The following HSDL2 variants were observed in gnomAD, a reference collection of about 807,000 sequenced individuals.
The protein encoded by HSDL2 is hydroxysteroid dehydrogenase-like protein 2.
Under a neutral mutation model 46.3 loss-of-function variants are expected in HSDL2, and 27 were observed. That is an observed-to-expected ratio of 0.58 (90% CI 0.43 to 0.80). The LOEUF (loss-of-function observed/expected upper bound fraction) is 0.80. HSDL2 is among the 30% of genes least tolerant of loss of function. The pLI is 0.00. For missense variants in HSDL2, 451 were observed against 502.7 expected (o/e 0.90, Z 0.98); for synonymous variants, 153 against 163.6 (o/e 0.94, Z 0.50).
chr9:112,451,302 A>G (rs972425817), intron 8 of HSDL2, among the ~76,000 whole-genome samples: 6 of 152,260 alleles, frequency 3.9e-5, no homozygotes, highest in Admixed American at 3.3e-4. Context: ...ACACTGGTGT[A>G]CATTTGGAAA....
chr9:112,428,389 A>G (rs1832299501), intron 6 of HSDL2, among the ~76,000 whole-genome samples: 1 of 152,224 alleles, frequency 6.6e-6, no homozygotes, highest in Non-Finnish European at 1.5e-5. Flanking sequence ...GTAGCAGACA[A>G]TTCTTTTAAG....
At chr9:112,438,752 C>A in intron 7 of HSDL2, 127 bp downstream of exon 7, 4 of 575,690 alleles carry the variant, frequency 6.9e-6, no homozygotes, top group South Asian at 3.1e-5. Context: ...GCTGTCTTCC[C>A]AATGAAGGAA....
At chr9:112,397,187 G>C (rs959212064) in intron 1 of HSDL2, among the ~76,000 whole-genome samples, 1 of 152,196 alleles carries the variant, frequency 6.6e-6, no homozygotes. Context: ...CAGGCTCCAA[G>C]AAAAGAATCA....
chr9:112,428,173 G>T (rs368789746), intron 6 of HSDL2, among the ~76,000 whole-genome samples: 1 of 152,138 alleles, frequency 6.6e-6, no homozygotes, highest in South Asian at 2.1e-4. Flanking sequence ...TGAGTACTGG[G>T]GCATGCTGCT....
At chr9:112,434,587 T>C (rs557561259) in intron 6 of HSDL2, among the ~76,000 whole-genome samples, 12 of 152,366 alleles carry the variant, frequency 7.9e-5, no homozygotes, top group South Asian at 4.1e-4. Flanking sequence ...CTTTTTTCTT[T>C]CTTTAGTGGT....
At chr9:112,405,761 A>T (rs1307720081) in intron 3 of HSDL2, 39 bp downstream of exon 3, 1 of 1,211,662 alleles carries the variant, frequency 8.3e-7, no homozygotes. Context: ...GGATATTGGT[A>T]AAATAAAGGT....
At chr9:112,393,969 G>A (rs1831402848) in intron 1 of HSDL2, among the ~76,000 whole-genome samples, 1 of 152,234 alleles carries the variant, frequency 6.6e-6, no homozygotes, top group Non-Finnish European at 1.5e-5. Flanking sequence ...TGAGGGAGAG[G>A]AGCAGCGTGG....
Position 112,404,051 on chromosome 9 carries a change from C to G in HSDL2, c.74C>G (p.Ala25Gly), listed in dbSNP as rs1256086686. The change falls in exon 2 of 11, where the codon GCT (alanine) becomes GGT (glycine). Residue 25 changes from alanine (A) to glycine (G), a missense_variant. By Grantham distance (60) the Ala-to-Gly change is moderately conservative. Transcript: ENST00000398805. ...ITGASRGIGK[A>G]IALKAAKDGA... ...GGTGCAAGCCGTGGCATTGGCAAAGCTATTGCATTGAAAGCAGCAAAGGAT... is the reference window on the plus strand; with the variant it reads ...GGTGCAAGCCGTGGCATTGGCAAAGGTATTGCATTGAAAGCAGCAAAGGAT... 1 of 1,614,142 alleles carries G rather than the reference C, an allele frequency of 6.2e-7. No individual in the cohort carries two copies. Among genetic ancestry groups the G allele is most frequent in the Non-Finnish European group, 8.5e-7 (1 of 1,179,994 alleles).
intron 1 of HSDL2, among the ~76,000 whole-genome samples, chr9:112,386,713 G>A (rs889711389): frequency 1.3e-5 from 2 of 152,138 alleles, no homozygotes; most frequent in South Asian, 2.1e-4. Context: ...AGCTGGGAAG[G>A]TCAAGTCTCC....
intron 6 of HSDL2, among the ~76,000 whole-genome samples, chr9:112,434,501 C>T (rs1832475616): frequency 6.6e-6 from 1 of 152,164 alleles, no homozygotes; most frequent in Admixed American, 6.5e-5. Context: ...TCTGACATGC[C>T]CATGCTTTAT....
intron 1 of HSDL2, among the ~76,000 whole-genome samples, chr9:112,391,296 TC>T (rs113918208): frequency 0.027 from 4,080 of 149,316 alleles, 146 homozygotes; most frequent in East Asian, 0.11. Flanking sequence ...CAAGACCCTG[TC>T]CCCCCCCAAA....
chr9:112,433,228 C>A (rs983828520), intron 6 of HSDL2, among the ~76,000 whole-genome samples: 8 of 152,132 alleles, frequency 5.3e-5, no homozygotes, highest in Non-Finnish European at 7.3e-5. Context: ...GAGGGAGCGA[C>A]GCATGCAAAG....
At chr9:112,459,626 G>A (rs778017767) in intron 10 of HSDL2, 49 bp downstream of exon 10, 1 of 1,534,928 alleles carries the variant, frequency 6.5e-7, no homozygotes, top group South Asian at 1.1e-5. Context: ...AGAAAATTTA[G>A]TTCTGACATT....
At chr9:112,463,837 T>A (rs1307180697) in intron 10 of HSDL2, among the ~76,000 whole-genome samples, 1 of 151,828 alleles carries the variant, frequency 6.6e-6, no homozygotes, top group East Asian at 1.9e-4. Flanking sequence ...ATTTTTGTAT[T>A]TTTACTAGAG....
intron 1 of HSDL2, among the ~76,000 whole-genome samples, chr9:112,393,204 G>A (rs571774863): frequency 2.0e-5 from 3 of 152,262 alleles, no homozygotes; most frequent in South Asian, 4.1e-4. Flanking sequence ...CTGACCTAAC[G>A]CCTCAGCTCC....
chr9:112,445,476 C>T (rs1272064509), intron 8 of HSDL2, among the ~76,000 whole-genome samples: 2 of 151,298 alleles, frequency 1.3e-5, no homozygotes, highest in African/African-American at 4.9e-5. Flanking sequence ...TCATCACAGC[C>T]GGTTATATAT....
rs1055491889 is a variant in HSDL2 at position 112,463,886 on chromosome 9, C to G, written c.1144+4309C>G. Reference sequence around the variant, plus strand: ...ATGTTGGCCAGGCTGGTCTCAAACTCCTGGCCTCGAGTGATCTACCCACCT... The same window carrying G: ...ATGTTGGCCAGGCTGGTCTCAAACTGCTGGCCTCGAGTGATCTACCCACCT... On this transcript the variant is annotated intron_variant, in intron 10 of 10. Transcript: ENST00000398805. Among the ~76,000 whole-genome samples, 12 of 152,106 alleles carry G rather than the reference C, an allele frequency of 7.9e-5. No individual in the cohort carries two copies. The East Asian group carries it at 2.1e-3, about 27-fold the overall frequency.
intron 6 of HSDL2, among the ~76,000 whole-genome samples, chr9:112,428,316 C>T (rs1334496975): frequency 6.6e-6 from 1 of 152,258 alleles, no homozygotes; most frequent in Non-Finnish European, 1.5e-5. Flanking sequence ...CTCCTTTCTT[C>T]CCTGGTCCTC....
rs114211703 is a variant in HSDL2, at chr9:112,454,210, G to A, written c.1015+48G>A. The A allele has an allele frequency of 2.5e-3, 3,821 of 1,518,728 alleles. 81 individuals are homozygous for A. In the African/African-American group the frequency reaches 0.044, roughly 17 times the overall value. The allele number at this position is 1,518,728 out of a possible 1,614,324, so 94.1% of individuals were successfully genotyped here. On this transcript the variant is annotated intron_variant, in intron 9 of 10. Transcript: ENST00000398805. ...TGAAGTTTTTATGAAACAAAATGGG[G>A]TGTTTCCTTTGGAAGAAAATCAGCG...
Sources: gnomAD v4.1 joint callset for allele counts (sites outside exome capture counted in the v4.1 genomes callset) on GRCh38, gnomAD v4.1.1 for gene constraint, MANE v1.5 for transcripts, NCBI Gene and HGNC (gene_info 2026-07-23, HGNC 2026-07-21) for gene names.